TMEM163: variants seen among roughly 807,000 people sequenced by gnomAD.
TMEM163 encodes transmembrane protein 163.
TMEM163 carries 17 observed loss-of-function variants against 29.3 expected under a neutral mutation model. The observed-to-expected ratio is 0.58, with a 90% confidence interval of 0.40 to 0.87. The LOEUF is 0.87. Ranked by LOEUF, TMEM163 falls within the 40% of genes least tolerant of loss-of-function variation. The pLI is 0.00. For missense variants in TMEM163, 303 were observed against 381.5 expected (o/e 0.79, Z 1.71); for synonymous variants, 157 against 160.6 (o/e 0.98, Z 0.17).
intron 5 of TMEM163, among the ~76,000 whole-genome samples, chr2:134,475,906 C>T (rs949399094): frequency 6.6e-6 from 1 of 152,164 alleles, no homozygotes; most frequent in Admixed American, 6.5e-5. Context: ...ATGGTACAGT[C>T]ATTTCGTAAA....
chr2:134,713,385 C>A (rs999967786), intron 1 of TMEM163, 66 bp from the exon 2 acceptor site: 15 of 1,600,266 alleles, frequency 9.4e-6, no homozygotes, highest in African/African-American at 4.0e-5. Flanking sequence ...GCGAGAGCTA[C>A]AATTTCTTAC....
chr2:134,488,272 T>C (rs1679354699), intron 5 of TMEM163, among the ~76,000 whole-genome samples: 1 of 152,210 alleles, frequency 6.6e-6, no homozygotes, highest in Admixed American at 6.5e-5. Context: ...TCCCCCTGCC[T>C]CAGCCTCCCA....
chr2:134,641,508 G>A (rs1281027749), intron 2 of TMEM163, among the ~76,000 whole-genome samples: 2 of 152,066 alleles, frequency 1.3e-5, no homozygotes, highest in East Asian at 3.9e-4. Context: ...AGAAAGACAT[G>A]GTTAAGGAAA....
intron 5 of TMEM163, among the ~76,000 whole-genome samples, chr2:134,479,576 C>A (rs71417515): frequency 0.036 from 5,446 of 152,242 alleles, 164 homozygotes; most frequent in South Asian, 0.13. Context: ...CCAAATCTGA[C>A]CCCCACAGAT....
chr2:134,505,946 A>G (rs998439609), intron 4 of TMEM163, among the ~76,000 whole-genome samples: 8 of 152,298 alleles, frequency 5.3e-5, no homozygotes, highest in Middle Eastern at 3.4e-3. Flanking sequence ...TCGAACATCA[A>G]TGGATTCATC....
At chr2:134,601,931 A>C (rs1682244650) in intron 2 of TMEM163, among the ~76,000 whole-genome samples, 1 of 152,212 alleles carries the variant, frequency 6.6e-6, no homozygotes, top group African/African-American at 2.4e-5. Context: ...GAAGGCAATG[A>C]GTAGATACCT....
chr2:134,471,568 T>C (rs1157265301), intron 5 of TMEM163, among the ~76,000 whole-genome samples: 1 of 152,196 alleles, frequency 6.6e-6, no homozygotes, highest in African/African-American at 2.4e-5. Context: ...ACGACATTTG[T>C]CTTTGGCACC....
intron 2 of TMEM163, among the ~76,000 whole-genome samples, chr2:134,639,167 C>A (rs1220709567): frequency 6.6e-6 from 1 of 152,194 alleles, no homozygotes; most frequent in East Asian, 1.9e-4. Context: ...GAGCTGCATT[C>A]CACCGAGCTG....
intron 2 of TMEM163, among the ~76,000 whole-genome samples, chr2:134,587,094 T>C (rs1166345365): frequency 2.0e-5 from 3 of 151,698 alleles, no homozygotes; most frequent in African/African-American, 7.3e-5. Context: ...AAATAAAAGG[T>C]CTACCCTCAA....
chr2:134,590,198 A>G (rs915472231), intron 2 of TMEM163, among the ~76,000 whole-genome samples: 4 of 151,914 alleles, frequency 2.6e-5, no homozygotes, highest in South Asian at 2.1e-4. Context: ...AGGGTCCCCA[A>G]TTTCAGACAA....
chr2:134,507,722 T>C (rs905616724), intron 4 of TMEM163, among the ~76,000 whole-genome samples: 1 of 152,070 alleles, frequency 6.6e-6, no homozygotes, highest in Admixed American at 6.6e-5. Flanking sequence ...CTGGGCATGG[T>C]GGTGTGTGCC....
intron 2 of TMEM163, among the ~76,000 whole-genome samples, chr2:134,706,716 C>A (rs1684820552): frequency 6.6e-6 from 1 of 152,088 alleles, no homozygotes; most frequent in South Asian, 2.1e-4. Flanking sequence ...CAGGACACAG[C>A]CTGTAGGGCC....
intron 2 of TMEM163, among the ~76,000 whole-genome samples, chr2:134,586,487 A>G (rs1681826852): frequency 6.6e-6 from 1 of 152,108 alleles, no homozygotes; most frequent in Non-Finnish European, 1.5e-5. Flanking sequence ...CTGTGTCCAC[A>G]TTTCCCCTTT....
In TMEM163 at chr2:134,523,427, A is replaced by G. The variant is rs145993758; in HGVS notation, c.459-20430T>C. Among the ~76,000 whole-genome samples, 339 of 152,336 alleles carry G rather than the reference A, an allele frequency of 2.2e-3. 6 individuals carry two copies. Among genetic ancestry groups the G allele is most frequent in the African/African-American group, 7.9e-3 (330 of 41,576 alleles). On this transcript the variant is annotated intron_variant, in intron 4 of 7. Coordinates refer to ENST00000281924, the MANE Select transcript of TMEM163 (RefSeq NM_030923.5). ...AGTTGTTTTGTTGCTTTTAAAACTC[A>G]GAGATGATTGGAAATGAGGATAAGC...
At chr2:134,673,835 C>T (rs1053390055) in intron 2 of TMEM163, among the ~76,000 whole-genome samples, 1 of 152,222 alleles carries the variant, frequency 6.6e-6, no homozygotes, top group African/African-American at 2.4e-5. Flanking sequence ...TGAGGCTGAT[C>T]TTGGACTTCT....
intron 2 of TMEM163, among the ~76,000 whole-genome samples, chr2:134,662,498 T>G (rs566099648): frequency 6.6e-6 from 1 of 152,256 alleles, no homozygotes; most frequent in Admixed American, 6.5e-5. Context: ...GTTCTGTTCT[T>G]AAGATAATTA....
At chr2:134,564,749 ATACTC>A (rs1186337843) in intron 2 of TMEM163, among the ~76,000 whole-genome samples, 3 of 152,232 alleles carry the variant, frequency 2.0e-5, no homozygotes, top group Non-Finnish European at 1.5e-5. Context: ...ATATGAAAAT[ATACTC>A]TACTTATTGG....
At chr2:134,671,635 C>T (rs1208581487) in intron 2 of TMEM163, among the ~76,000 whole-genome samples, 1 of 152,210 alleles carries the variant, frequency 6.6e-6, no homozygotes, top group Admixed American at 6.5e-5. Context: ...CTATGAAATG[C>T]CATTGTTAAC....
intron 3 of TMEM163, among the ~76,000 whole-genome samples, chr2:134,551,026 C>A (rs1680908550): frequency 1.3e-5 from 2 of 152,312 alleles, no homozygotes; most frequent in South Asian, 2.1e-4. Context: ...GGTGAGAATT[C>A]TATTTTTGAC....
Sources: gnomAD v4.1 joint callset for allele counts (sites outside exome capture counted in the v4.1 genomes callset) on GRCh38, gnomAD v4.1.1 for gene constraint, MANE v1.5 for transcripts, NCBI Gene and HGNC (gene_info 2026-07-23, HGNC 2026-07-21) for gene names.